The following HERC2 variants were observed in gnomAD, a reference collection of about 807,000 sequenced individuals.
HERC2 encodes the protein HECT and RLD domain containing E3 ubiquitin protein ligase 2.
A neutral mutation model predicts 537.7 loss-of-function variants in HERC2; 102 were observed. That is an observed-to-expected ratio of 0.19 (90% CI 0.16 to 0.22). HERC2 has a LOEUF of 0.22. HERC2 is among the 10% of genes least tolerant of loss of function. The pLI is 1.00. For missense variants in HERC2, 4,236 were observed against 6,198.2 expected (o/e 0.68, Z 10.63); for synonymous variants, 2,224 against 2,466.2 (o/e 0.90, Z 2.91).
intron 92 of HERC2, 80 bp downstream of exon 92, chr15:28,112,991 G>T: frequency 8.8e-7 from 1 of 1,141,230 alleles, no homozygotes; most frequent in Non-Finnish European, 1.3e-6. Context: ...TCCATGTGCT[G>T]CAGGACTGTG....
chr15:28,306,810 A>G (rs1176062405), intron 2 of HERC2, among the ~76,000 whole-genome samples: 1 of 152,166 alleles, frequency 6.6e-6, no homozygotes, highest in Non-Finnish European at 1.5e-5. Flanking sequence ...GGAAGGCTGT[A>G]TGTGCCTGTG....
intron 69 of HERC2, among the ~76,000 whole-genome samples, chr15:28,162,039 T>C (rs775230896): frequency 7.2e-5 from 11 of 152,174 alleles, no homozygotes; most frequent in Non-Finnish European, 1.2e-4. Flanking sequence ...CATAAAAAAT[T>C]AGAAGAAGGC....
intron 45 of HERC2, among the ~76,000 whole-genome samples, chr15:28,204,891 A>C (rs1898248542): frequency 6.6e-6 from 1 of 152,218 alleles, no homozygotes; most frequent in Non-Finnish European, 1.5e-5. Flanking sequence ...ACAGATGTAT[A>C]ATAGTATTTC....
At chr15:28,208,039 G>A (rs1898674957) in intron 44 of HERC2, among the ~76,000 whole-genome samples, 2 of 152,194 alleles carry the variant, frequency 1.3e-5, no homozygotes, top group South Asian at 4.2e-4. Context: ...ATTGGGCTGA[G>A]TGCAGAACAG....
At chr15:28,226,851 C>G (rs1363195730) in intron 35 of HERC2, among the ~76,000 whole-genome samples, 2 of 152,228 alleles carry the variant, frequency 1.3e-5, no homozygotes, top group South Asian at 4.1e-4. Context: ...GTCTACAGAT[C>G]TGTGAAGGTC....
At chr15:28,214,320 G>A in intron 40 of HERC2, 48 bp from the exon 41 acceptor site, 1 of 1,515,050 alleles carries the variant, frequency 6.6e-7, no homozygotes, top group Non-Finnish European at 9.1e-7. Context: ...CTTCACCAGG[G>A]CACAGGGAAA....
At chr15:28,214,632 A>G (rs766285340) in intron 40 of HERC2, 23 bp downstream of exon 40, 2 of 1,610,354 alleles carry the variant, frequency 1.2e-6, no homozygotes, top group Non-Finnish European at 8.5e-7. Flanking sequence ...ACCAGGGCAC[A>G]GGGAAGGTAG....
At chr15:28,135,352 C>G (rs1890529235) in intron 79 of HERC2, 126 bp downstream of exon 79, 1 of 737,644 alleles carries the variant, frequency 1.4e-6, no homozygotes, top group Non-Finnish European at 2.3e-6. Flanking sequence ...GAGTCATTAA[C>G]ATTATTTAGT....
intron 15 of HERC2, among the ~76,000 whole-genome samples, chr15:28,261,709 C>T (rs1338138376): frequency 6.6e-6 from 1 of 152,138 alleles, no homozygotes; most frequent in Non-Finnish European, 1.5e-5. Context: ...AATTCAAATA[C>T]CATTCAATGA....
chr15:28,124,566 C>G (rs74248672), intron 84 of HERC2, among the ~76,000 whole-genome samples: 1 of 10,334 alleles, frequency 9.7e-5, no homozygotes, highest in East Asian at 0.25. Context: ...CATGAACATT[C>G]AAGGTTCTTT....
intron 5 of HERC2, among the ~76,000 whole-genome samples, chr15:28,277,897 C>T (rs1422798446): frequency 1.3e-5 from 2 of 152,090 alleles, no homozygotes; most frequent in African/African-American, 4.8e-5. Context: ...CCCTAGGATG[C>T]TCAAGTCCCT....
intron 56 of HERC2, among the ~76,000 whole-genome samples, chr15:28,185,401 G>A (rs1266557948): frequency 2.6e-5 from 4 of 152,160 alleles, no homozygotes; most frequent in Non-Finnish European, 5.9e-5. Context: ...AATCCAAAGC[G>A]CCTTGGGAAT....
chr15:28,169,445 C>G lies in HERC2; in HGVS notation c.10229+39G>C, dbSNP rs200787864. The G allele has an allele frequency of 1.8e-5, 26 of 1,467,306 alleles. No individual in the cohort carries two copies. In the Admixed American group the frequency reaches 5.4e-4, roughly 31 times the overall value. The allele number at this position is 1,467,306 out of a possible 1,614,324, so 90.9% of individuals were successfully genotyped here. On this transcript the variant is annotated intron_variant, in intron 66 of 92. Coordinates refer to ENST00000261609, the MANE Select transcript of HERC2 (RefSeq NM_004667.6). ...AAAAATCACAAAAATGTGAAGCTCACATAATTGCAGAATTTCAAAAATTAG... is the reference window on the plus strand; with the variant it reads ...AAAAATCACAAAAATGTGAAGCTCAGATAATTGCAGAATTTCAAAAATTAG...
intron 5 of HERC2, among the ~76,000 whole-genome samples, chr15:28,279,049 T>G (rs1445035306): frequency 6.6e-6 from 1 of 152,212 alleles, no homozygotes; most frequent in African/African-American, 2.4e-5. Flanking sequence ...TTGCCCAGGC[T>G]GGCACAATCT....
At chr15:28,222,684 G>A (rs529045200) in intron 35 of HERC2, among the ~76,000 whole-genome samples, 35 of 152,140 alleles carry the variant, frequency 2.3e-4, no homozygotes, top group Admixed American at 2.0e-3. Flanking sequence ...GCTGGAGTCT[G>A]GATCTCAGGA....
chr15:28,272,361 A>C lies in HERC2; in HGVS notation c.937T>G (p.Leu313Val), dbSNP rs774398694. The C allele has an allele frequency of 1.2e-6, 2 of 1,612,560 alleles. No homozygotes were observed. Among genetic ancestry groups the C allele is most frequent in the Non-Finnish European group, 1.7e-6 (2 of 1,179,202 alleles). Residue 313 changes from leucine (L) to valine (V), a missense_variant, in exon 9 of 93, where the codon TTG (leucine) becomes GTG (valine). By Grantham distance (32) the Leu-to-Val change is conservative. Transcript: ENST00000261609. ...GCCCCGCTGTCCCACAGCTGAAGCA[A>C]CAACAGGATGGCAGACAACATTTGG... ...LSQMLSAILLLLQLWDSGAQE... is the reference protein window; with the variant it reads ...LSQMLSAILLVLQLWDSGAQE...
chr15:28,202,354 G>A lies in HERC2; in HGVS notation c.7473C>T (p.Ser2491=). Residue 2491 remains serine (S), a synonymous_variant, in exon 46 of 93, where the codon AGC becomes AGT. Transcript: ENST00000261609. ...GCCAGGAAAACGAAGTACCAGGCAA[G>A]CTGGATGCATTCCCGGAAGCACCAG... is the stretch of plus-strand genomic sequence containing the variant. ...SLTGASGNAS[S]LPGVEALVGW... is the part of the protein sequence containing the mutation. 6.2e-7 allele frequency: 1 copy of A among 1,613,914 alleles called. No individual in the cohort carries two copies.
In HERC2 at chr15:28,248,542, A is replaced by G. The variant is rs57189560; in HGVS notation, c.3235+10T>C. Reference sequence around the variant, plus strand: ...ACATACAAGACACTTTCACATTTTAAGCAACTTACTAGAAATATCTGAGGT... The same window carrying G: ...ACATACAAGACACTTTCACATTTTAGGCAACTTACTAGAAATATCTGAGGT... On this transcript the variant is annotated intron_variant, in intron 21 of 92. Transcript: ENST00000261609. 2 of 1,607,886 alleles carry G rather than the reference A, an allele frequency of 1.2e-6. No individual in the cohort carries two copies. Among genetic ancestry groups the G allele is most frequent in the Non-Finnish European group, 1.7e-6 (2 of 1,174,886 alleles).
At chr15:28,257,411 A>T in intron 16 of HERC2, 150 bp from the exon 17 acceptor site, 1 of 626,440 alleles carries the variant, frequency 1.6e-6, no homozygotes, top group Non-Finnish European at 2.8e-6. Flanking sequence ...ATGGATGTCT[A>T]GCTCACACAC....
Sources: allele counts gnomAD v4.1 joint callset (sites outside exome capture counted in the v4.1 genomes callset), GRCh38; gene constraint gnomAD v4.1.1; transcripts MANE v1.5; gene names NCBI Gene and HGNC (gene_info 2026-07-23, HGNC 2026-07-21).